The following HDAC8 variants were observed in gnomAD, a reference collection of about 807,000 sequenced individuals.
HDAC8 encodes the protein histone deacetylase 8, also known as histone deacetylase-like 1.
HDAC8 carries 1 observed loss-of-function variant against 32.2 expected under a neutral mutation model. That is an observed-to-expected ratio of 0.03 (90% CI 0.01 to 0.15). HDAC8 has a LOEUF of 0.15. HDAC8 is among the 10% of genes least tolerant of loss of function. The pLI, the probability that HDAC8 is intolerant of heterozygous loss-of-function variation, is 1.00. For synonymous variants in HDAC8, 108 were observed against 113.9 expected (o/e 0.95, Z 0.33); for missense variants, 117 against 300.0 (o/e 0.39, Z 4.51).
chrX:72,495,336 A>C (rs1199148657), intron 4 of HDAC8, 68 bp from the exon 5 acceptor site: 4 of 665,234 alleles, frequency 6.0e-6, no homozygotes, highest in Non-Finnish European at 9.2e-6. Context: ...ACAGCCAAGG[A>C]TCTAACCCTT....
chrX:72,344,979 C>A (rs1328933107), intron 10 of HDAC8, among the ~76,000 whole-genome samples: 1 of 111,617 alleles, frequency 9.0e-6, no homozygotes, highest in Admixed American at 9.5e-5. Context: ...TCAAGGGAGC[C>A]TGCAATCGGC....
intron 10 of HDAC8, among the ~76,000 whole-genome samples, chrX:72,331,292 G>A (rs1466974921): frequency 1.8e-5 from 2 of 111,171 alleles, no homozygotes; most frequent in African/African-American, 6.6e-5. Flanking sequence ...ATTTGTGCAT[G>A]TGCAGATCTG....
chrX:72,466,834 A>G (rs2048030736), intron 7 of HDAC8: 1 of 112,035 alleles, frequency 8.9e-6, no homozygotes. Flanking sequence ...CAACAGATAA[A>G]TGGTTAAACA....
At chrX:72,356,250 T>C (rs782651233) in intron 9 of HDAC8, among the ~76,000 whole-genome samples, 11 of 111,039 alleles carry the variant, frequency 9.9e-5, no homozygotes, top group Non-Finnish European at 2.1e-4. Flanking sequence ...AAAGTGACTG[T>C]GGAGTAGAGT....
intron 4 of HDAC8, among the ~76,000 whole-genome samples, chrX:72,534,205 T>C (rs1484113005): frequency 9.2e-6 from 1 of 109,166 alleles, no homozygotes; most frequent in Non-Finnish European, 1.9e-5. Context: ...AAATCAATTT[T>C]ATTTCTATAT....
chrX:72,540,390 G>A (rs2050663856), intron 4 of HDAC8, among the ~76,000 whole-genome samples: 1 of 112,237 alleles, frequency 8.9e-6, no homozygotes, highest in Non-Finnish European at 1.9e-5. Context: ...AAAGAAAATG[G>A]TGCAGAATGC....
chrX:72,337,928 G>A (rs1346106250), intron 10 of HDAC8, among the ~76,000 whole-genome samples: 1 of 111,269 alleles, frequency 9.0e-6, no homozygotes, highest in African/African-American at 3.3e-5. Flanking sequence ...CCTTCTTCCT[G>A]GAATGCTCTG....
At chrX:72,420,284 T>A (rs920140344) in intron 9 of HDAC8, among the ~76,000 whole-genome samples, 1 of 111,945 alleles carries the variant, frequency 8.9e-6, no homozygotes, top group Non-Finnish European at 1.9e-5. Context: ...TTGTTATAGA[T>A]CTCCTGACAT....
At chrX:72,357,178 A>C (rs1436780479) in intron 9 of HDAC8, among the ~76,000 whole-genome samples, 1 of 108,472 alleles carries the variant, frequency 9.2e-6, no homozygotes, top group Non-Finnish European at 1.9e-5. Context: ...GTGTGGGAGG[A>C]GCATGAACGG....
chrX:72,508,400 G>A (rs1395601890), intron 4 of HDAC8, among the ~76,000 whole-genome samples: 2 of 112,280 alleles, frequency 1.8e-5, no homozygotes, highest in African/African-American at 6.5e-5. Flanking sequence ...TTGAACAAAT[G>A]AGAAAACTAA....
chrX:72,436,702 C>T (rs370668871), intron 9 of HDAC8, among the ~76,000 whole-genome samples: 15 of 111,479 alleles, frequency 1.3e-4, no homozygotes, highest in African/African-American at 4.9e-4. Flanking sequence ...CTTTCCTTAT[C>T]CTCTTAACCT....
At chrX:72,518,653 T>C (rs1828376209) in intron 4 of HDAC8, among the ~76,000 whole-genome samples, 1 of 112,024 alleles carries the variant, frequency 8.9e-6, no homozygotes, top group Non-Finnish European at 1.9e-5. Flanking sequence ...GACAAATACA[T>C]GATGCCATGT....
intron 5 of HDAC8, among the ~76,000 whole-genome samples, chrX:72,492,588 A>AG (rs2048904492): frequency 9.1e-6 from 1 of 110,252 alleles, no homozygotes; most frequent in Non-Finnish European, 1.9e-5. Flanking sequence ...GGGGTGGGGC[A>AG]GGGGTCACTG....
chrX:72,491,060 T>C (rs1331539950), intron 5 of HDAC8, 54 bp from the exon 6 acceptor site: 1 of 876,190 alleles, frequency 1.1e-6, no homozygotes, highest in Non-Finnish European at 1.7e-6. Context: ...ATTCCTATTT[T>C]CAACATCTGA....
chrX:72,572,015 G>A (rs781858751), intron 2 of HDAC8, 42 bp downstream of exon 2: 2 of 1,093,656 alleles, frequency 1.8e-6, no homozygotes, highest in South Asian at 2.1e-5. Context: ...TTAAGGCTAC[G>A]AACACCTAGC....
intron 9 of HDAC8, among the ~76,000 whole-genome samples, chrX:72,444,919 A>G (rs1217781242): frequency 9.4e-6 from 1 of 106,736 alleles, no homozygotes; most frequent in Non-Finnish European, 1.9e-5. Flanking sequence ...TCATGAGTGA[A>G]CTCCCATTCA....
intron 6 of HDAC8, chrX:72,489,286 T>G (rs2048780303): frequency 2.2e-6 from 1 of 459,161 alleles, no homozygotes. Flanking sequence ...TCATGCTTTT[T>G]AGGTTGACAT....
At chrX:72,388,952 G>T (rs782109990) in intron 9 of HDAC8, among the ~76,000 whole-genome samples, 8 of 112,057 alleles carry the variant, frequency 7.1e-5, no homozygotes, top group Non-Finnish European at 1.5e-4. Flanking sequence ...AATTTCTGTT[G>T]TTTAAACCAT....
intron 9 of HDAC8, among the ~76,000 whole-genome samples, chrX:72,396,311 T>C (rs928114416): frequency 3.6e-5 from 4 of 112,152 alleles, no homozygotes; most frequent in Non-Finnish European, 7.5e-5. Context: ...GGCATGCTTT[T>C]TCCTGTACTC....
Sources: allele counts gnomAD v4.1 joint callset (sites outside exome capture counted in the v4.1 genomes callset), GRCh38; gene constraint gnomAD v4.1.1; transcripts MANE v1.5; gene names NCBI Gene and HGNC (gene_info 2026-07-23, HGNC 2026-07-21).